The following AGBL4 variants were observed in gnomAD, a reference collection of about 807,000 sequenced individuals.
AGBL4 encodes AGBL carboxypeptidase 4, also known as cytosolic carboxypeptidase 6.
A neutral mutation model predicts 66.4 loss-of-function variants in AGBL4; 58 were observed. The ratio of observed to expected loss-of-function variants is 0.87; its 90% CI spans 0.71 to 1.09. The LOEUF (loss-of-function observed/expected upper bound fraction) is 1.09, where lower values mean the gene tolerates loss of function less well. Among genes scored for constraint, AGBL4 ranks in the 50% least tolerant of loss-of-function variants. The pLI, the probability that AGBL4 is intolerant of heterozygous loss-of-function variation, is 0.00. For synonymous variants in AGBL4, 234 were observed against 222.9 expected, an observed-to-expected ratio of 1.05 and a Z score of -0.44; for missense variants, 579 against 631.0, an observed-to-expected ratio of 0.92 and a Z score of 0.88.
At chr1:49,986,515 G>C (rs569140103) in intron 1 of AGBL4, among the ~76,000 whole-genome samples, 6 of 152,096 alleles carry the variant, frequency 3.9e-5, no homozygotes, top group African/African-American at 1.4e-4. Context: ...CATATTCAGA[G>C]GAAGTACATA....
intron 3 of AGBL4, among the ~76,000 whole-genome samples, chr1:49,389,394 T>C (rs1411772701): frequency 6.6e-6 from 1 of 152,158 alleles, no homozygotes; most frequent in African/African-American, 2.4e-5. Context: ...AATTACTTCA[T>C]TTCAAACCTA....
intron 3 of AGBL4, among the ~76,000 whole-genome samples, chr1:49,668,395 A>G (rs1040978066): frequency 6.6e-6 from 1 of 152,206 alleles, no homozygotes; most frequent in Admixed American, 6.6e-5. Context: ...CAGAAAAAAA[A>G]GCAGTGGAAG....
At chr1:48,758,828 C>T in intron 6 of AGBL4, 1 of 1,362,598 alleles carries the variant, frequency 7.3e-7, no homozygotes, top group Non-Finnish European at 9.8e-7. Context: ...CTCCCCTTTC[C>T]CTTCCTGGAA....
At chr1:50,012,944 A>G (rs1009177569) in intron 1 of AGBL4, among the ~76,000 whole-genome samples, 2 of 152,218 alleles carry the variant, frequency 1.3e-5, no homozygotes, top group African/African-American at 4.8e-5. Context: ...TGTTTCCACC[A>G]AAAAGTAATG....
At chr1:49,231,666 T>C (rs1650320048) in intron 4 of AGBL4, among the ~76,000 whole-genome samples, 1 of 152,126 alleles carries the variant, frequency 6.6e-6, no homozygotes, top group South Asian at 2.1e-4. Context: ...CATAAACCCA[T>C]ACATACCACA....
chr1:49,098,482 C>T (rs563954721), intron 4 of AGBL4, among the ~76,000 whole-genome samples: 5 of 152,252 alleles, frequency 3.3e-5, no homozygotes, highest in East Asian at 3.9e-4. Context: ...AGGAAAATGC[C>T]GGAAGAGTAA....
At chr1:49,582,810 T>A (rs893567718) in intron 3 of AGBL4, among the ~76,000 whole-genome samples, 3 of 152,192 alleles carry the variant, frequency 2.0e-5, no homozygotes, top group South Asian at 2.1e-4. Context: ...TATTGCGGAT[T>A]TTCTCCTGGT....
chr1:49,506,327 C>CTTTTGT (rs1648682814), intron 3 of AGBL4, among the ~76,000 whole-genome samples: 2 of 151,870 alleles, frequency 1.3e-5, no homozygotes, highest in Admixed American at 1.3e-4. Context: ...AGCAAATTAA[C>CTTTTGT]TTTTGTTTTT....
At chr1:49,237,495 T>A (rs1650853464) in intron 4 of AGBL4, among the ~76,000 whole-genome samples, 1 of 108,520 alleles carries the variant, frequency 9.2e-6, no homozygotes. Flanking sequence ...CTCATCCTTT[T>A]TTTCCTCAAT....
intron 2 of AGBL4, among the ~76,000 whole-genome samples, chr1:49,802,297 T>C (rs1241631648): frequency 1.3e-5 from 2 of 152,160 alleles, no homozygotes; most frequent in Non-Finnish European, 2.9e-5. Context: ...AAGATAGGGC[T>C]ACAAACGCCC....
At chr1:49,853,481 G>A (rs1471552337) in intron 1 of AGBL4, among the ~76,000 whole-genome samples, 1 of 152,044 alleles carries the variant, frequency 6.6e-6, no homozygotes, top group African/African-American at 2.4e-5. Context: ...AAAAACAGCA[G>A]AGCATCCAAG....
rs1171374859 is a variant in AGBL4, at chr1:49,530,273, C to CAAAAA, written c.282+167035_282+167039dup. On this transcript the variant is annotated intron_variant, in intron 3 of 13. Coordinates refer to ENST00000371839, the MANE Select transcript of AGBL4 (RefSeq NM_032785.4). The stretch of plus-strand genomic sequence containing the variant: ...AGTAGAATTTGTAAAAAAAAAAAAA[C>CAAAAA]AAAAAAAAACTCTATGAGTTTTTTT... Among the ~76,000 whole-genome samples the CAAAAA allele has an allele frequency of 3.9e-4, 44 of 111,950 alleles. 4 individuals are homozygous for CAAAAA. Among genetic ancestry groups the CAAAAA allele is most frequent in the African/African-American group, 1.3e-3 (36 of 27,736 alleles). The allele number at this position is 111,950 out of a possible 152,430, so 73.4% of individuals were successfully genotyped here.
intron 9 of AGBL4, among the ~76,000 whole-genome samples, chr1:48,610,109 A>G (rs1645213844): frequency 6.6e-6 from 1 of 152,264 alleles, no homozygotes; most frequent in Non-Finnish European, 1.5e-5. Flanking sequence ...TGGATTAGAG[A>G]TAATGTAAAA....
chr1:48,989,604 C>T (rs930857988), intron 5 of AGBL4, among the ~76,000 whole-genome samples: 1 of 152,006 alleles, frequency 6.6e-6, no homozygotes, highest in Non-Finnish European at 1.5e-5. Flanking sequence ...TTTAGCTCCC[C>T]AAAATAAGTG....
chr1:49,243,803 G>T (rs193031516), intron 4 of AGBL4, among the ~76,000 whole-genome samples: 1 of 151,858 alleles, frequency 6.6e-6, no homozygotes, highest in Admixed American at 6.6e-5. Flanking sequence ...AAAAATAGGA[G>T]ATATTACGTA....
chr1:48,689,858 TTG>T (rs960410913), intron 6 of AGBL4, among the ~76,000 whole-genome samples: 1 of 152,168 alleles, frequency 6.6e-6, no homozygotes, highest in African/African-American at 2.4e-5. Flanking sequence ...TAAGCCGAGA[TTG>T]TGTCACTGCA....
chr1:48,794,595 G>C (rs1645625596), intron 6 of AGBL4, among the ~76,000 whole-genome samples: 1 of 152,132 alleles, frequency 6.6e-6, no homozygotes, highest in African/African-American at 2.4e-5. Context: ...TGCCTCATTT[G>C]GTCTCTCAGG....
intron 4 of AGBL4, among the ~76,000 whole-genome samples, chr1:49,160,622 C>T (rs549287060): frequency 2.0e-5 from 3 of 152,272 alleles, no homozygotes; most frequent in South Asian, 2.1e-4. Context: ...CAGGCAGGGA[C>T]GTTCAAATCT....
intron 4 of AGBL4, among the ~76,000 whole-genome samples, chr1:49,109,851 T>C (rs773211534): frequency 8.5e-5 from 13 of 152,198 alleles, no homozygotes; most frequent in African/African-American, 1.2e-4. Context: ...CCCAATACTA[T>C]GTTTTTAGCA....
Sources: allele counts gnomAD v4.1 joint callset (sites outside exome capture counted in the v4.1 genomes callset), GRCh38; gene constraint gnomAD v4.1.1; transcripts MANE v1.5; gene names NCBI Gene and HGNC (gene_info 2026-07-23, HGNC 2026-07-21).